CCDC9B: variants seen among roughly 807,000 people sequenced by gnomAD.
CCDC9B encodes the protein coiled-coil domain containing 9B.
Under a neutral mutation model 47.2 loss-of-function variants are expected in CCDC9B, and 40 were observed. That is an observed-to-expected ratio of 0.85 (90% CI 0.66 to 1.10). The LOEUF (loss-of-function observed/expected upper bound fraction) is 1.10. CCDC9B is among the 50% of genes least tolerant of loss of function. The pLI is 0.00. For synonymous variants in CCDC9B, 238 were observed against 250.7 expected (o/e 0.95, Z 0.48); for missense variants, 662 against 651.0 (o/e 1.02, Z -0.18).
chr15:40,336,006 A>G (rs1215160765), intron 9 of CCDC9B, 180 bp from the exon 10 acceptor site: 7 of 985,240 alleles, frequency 7.1e-6, no homozygotes, highest in Non-Finnish European at 7.2e-6. Flanking sequence ...GACTCTCCCT[A>G]GAGCCCCATA....
chr15:40,338,799 G>A lies in CCDC9B; in HGVS notation c.336C>T (p.Phe112=). The change falls in exon 4 of 11, where the codon TTC becomes TTT. Residue 112 remains phenylalanine (F), a synonymous_variant. Transcript: ENST00000397536. ...DEDAEDHGGT[F]CLGELVELAV... Reference sequence around the variant, plus strand: ...CCAGCTCCACCAGCTCCCCTAAGCAGAAAGTACCCCCGTGGTCCTCAGCAT... The same window carrying A: ...CCAGCTCCACCAGCTCCCCTAAGCAAAAAGTACCCCCGTGGTCCTCAGCAT... The A allele has an allele frequency of 6.2e-7, 1 of 1,614,160 alleles. No homozygotes were observed. The highest frequency in any genetic ancestry group is 1.1e-5 in the South Asian group (1 of 91,078).
intron 6 of CCDC9B, 66 bp downstream of exon 6, chr15:40,337,658 T>C: frequency 2.6e-6 from 4 of 1,513,432 alleles, no homozygotes; most frequent in Non-Finnish European, 3.5e-6. Context: ...CCTGCAGCCC[T>C]CCCAGCAGTG....
chr15:40,332,144 G>C lies in CCDC9B; in HGVS notation c.*3014C>G, dbSNP rs1045484983. On this transcript the variant is annotated 3_prime_UTR_variant, in exon 11 of 11. Transcript: ENST00000397536. ...AGAAGAGAAAGACACCCAAAAGGAA[G>C]GCTCCCAGCCAGGCCTTTAAACAAA... 1.3e-5 allele frequency: 2 copies of C among 152,192 alleles called. No homozygotes were observed. Among genetic ancestry groups the C allele is most frequent in the African/African-American group, 4.8e-5 (2 of 41,418 alleles). The allele number at this position is 152,192 out of a possible 1,614,324, so 9.4% of individuals were successfully genotyped here.
chr15:40,335,731 T>C (rs1269863028), intron 10 of CCDC9B, 31 bp from the exon 11 acceptor site: 25 of 1,588,868 alleles, frequency 1.6e-5, no homozygotes, highest in Non-Finnish European at 2.0e-5. Flanking sequence ...CGGTGGCTGA[T>C]GAATCCAGGG....
At chr15:40,337,204 T>C in intron 7 of CCDC9B, 184 bp downstream of exon 7, 1 of 730,338 alleles carries the variant, frequency 1.4e-6, no homozygotes, top group Admixed American at 2.0e-5. Flanking sequence ...AGCTGTGGGC[T>C]CAGAGGGGAG....
chr15:40,338,234 G>A (rs1889009569), intron 5 of CCDC9B: 1 of 672,888 alleles, frequency 1.5e-6, no homozygotes, highest in East Asian at 2.7e-5. Context: ...GCCACCTAGA[G>A]GTCACACCTG....
rs1595712935 is a variant in CCDC9B, at chr15:40,336,749, C to T, written c.796+11G>A. The T allele has an allele frequency of 3.1e-6, 5 of 1,600,004 alleles. 1 individual carries two copies. The Middle Eastern group carries it at 5.0e-4, about 160-fold the overall frequency. On this transcript the variant is annotated intron_variant, in intron 8 of 10. Transcript: ENST00000397536. ...CTGACGAGACCTGGCCCCTCCTCCT[C>T]CCCAACTCACCTTTTCCATCAGGGA...
Position 40,339,556 on chromosome 15 carries a change from G to A in CCDC9B, c.187C>T (p.Leu63Phe), listed in dbSNP as rs200309734. 1.6e-5 allele frequency: 26 copies of A among 1,612,740 alleles called. No homozygotes were observed. The African/African-American group carries it at 2.9e-4, about 18-fold the overall frequency. Residue 63 changes from leucine to phenylalanine, a missense_variant, in exon 3 of 11, where the codon CTC (leucine) becomes TTC (phenylalanine). Coordinates refer to ENST00000397536, the MANE Select transcript of CCDC9B (RefSeq NM_207380.3). ...GGMAVTTPALLQPDGLTVTIS... is the reference protein window; with the variant it reads ...GGMAVTTPALFQPDGLTVTIS... ...GTAACGGTGAGGCCATCAGGCTGGA[G>A]GAGTGCTGGTGTGGTCACAGCCATC...
chr15:40,335,924 G>A (rs1050214502), intron 9 of CCDC9B, 98 bp from the exon 10 acceptor site: 1 of 1,541,232 alleles, frequency 6.5e-7, no homozygotes. Context: ...GAGAGCCAGT[G>A]AGGAAGGCTG....
Position 40,335,192 on chromosome 15 carries a change from C to G in CCDC9B, c.1439G>C (p.Arg480Thr), listed in dbSNP as rs773718356. 1 of 1,543,220 alleles carries G rather than the reference C, an allele frequency of 6.5e-7. No individual in the cohort carries two copies. Among genetic ancestry groups the G allele is most frequent in the South Asian group, 1.2e-5 (1 of 81,274 alleles). ...RSRGTAGVRR[R>T]TGRPGPAGRC ...TCCTGCCGGGCCAGGGCGCCCTGTC[C>G]TGCGCCTCACACCTGCTGTGCCTCT... is the stretch of plus-strand genomic sequence containing the variant. Residue 480 changes from arginine (R) to threonine (T), a missense_variant, in exon 11 of 11, where the codon AGG becomes ACG. Arg to Thr is a moderately conservative substitution (Grantham distance 71, BLOSUM62 -1). Transcript: ENST00000397536.
rs763476477 is a variant in CCDC9B, at chr15:40,335,784, C to T, written c.930G>A (p.Glu310=). 5.4e-5 allele frequency: 87 copies of T among 1,611,080 alleles called. No individual in the cohort carries two copies. Among genetic ancestry groups the T allele is most frequent in the Non-Finnish European group, 7.1e-5 (84 of 1,178,738 alleles). Reference sequence around the variant, plus strand: ...CCCCATCCTATACCCAAGTACCTACCTCCTGACCTTCCAGCTCCTCCTTGT... The same window carrying T: ...CCCCATCCTATACCCAAGTACCTACTTCCTGACCTTCCAGCTCCTCCTTGT... ...KEDKEELEGQ[E]GSQSTRETPS... Residue 310 remains glutamate, a splice_region_variant and synonymous_variant, in exon 10 of 11, where the codon GAG becomes GAA. Coordinates refer to ENST00000397536, the MANE Select transcript of CCDC9B (RefSeq NM_207380.3).
Position 40,334,619 on chromosome 15 carries a change from C to T in CCDC9B, c.*539G>A, listed in dbSNP as rs1262760170. On this transcript the variant is annotated 3_prime_UTR_variant, in exon 11 of 11. Coordinates refer to ENST00000397536, the MANE Select transcript of CCDC9B (RefSeq NM_207380.3). ...CCAGACCCTGCCAGCTGTGTGGCCT[C>T]TCCTCCTCCAGGCCTCAGCCACCAC... is the stretch of plus-strand genomic sequence containing the variant. 1 of 152,440 alleles carries T rather than the reference C, an allele frequency of 6.6e-6. No homozygotes were observed. Among genetic ancestry groups the T allele is most frequent in the Non-Finnish European group, 1.5e-5 (1 of 68,236 alleles). The allele number at this position is 152,440 out of a possible 1,614,324, so 9.4% of individuals were successfully genotyped here.
intron 3 of CCDC9B, 194 bp from the exon 4 acceptor site, chr15:40,339,097 C>A: frequency 1.5e-6 from 1 of 668,212 alleles, no homozygotes; most frequent in Non-Finnish European, 2.6e-6. Flanking sequence ...CCCAGCGGCC[C>A]AAGATGCCAC....
chr15:40,338,021 C>G, intron 5 of CCDC9B, 128 bp from the exon 6 acceptor site: 2 of 889,780 alleles, frequency 2.2e-6, no homozygotes, highest in Non-Finnish European at 3.7e-6. Flanking sequence ...CCTGTTCCAG[C>G]TCTCCCGTGG....
rs1405282445 is a variant in CCDC9B, at chr15:40,339,613, G to A, written c.130C>T (p.Gln44Ter). 6.2e-7 allele frequency: 1 copy of A among 1,613,208 alleles called. No homozygotes were observed. The highest frequency in any genetic ancestry group is 1.1e-5 in the South Asian group (1 of 91,060). The part of the protein sequence containing the change: ...QALLRRYQEI[Q>*]EDRRQAEQGG... Reference sequence around the variant, plus strand: ...TGCTCTGCCTGCCGACGGTCCTCCTGGATCTCCTGTGGGAGGGCTGGGGGT... The same window carrying A: ...TGCTCTGCCTGCCGACGGTCCTCCTAGATCTCCTGTGGGAGGGCTGGGGGT... Residue 44 changes from glutamine (Q) to a stop codon, truncating the protein, a stop_gained, in exon 3 of 11, where the codon CAG (glutamine) becomes TAG (stop). Transcript: ENST00000397536. LOFTEE classifies it high-confidence loss of function.
At chr15:40,336,549 G>A in intron 9 of CCDC9B, 25 bp downstream of exon 9, 1 of 1,608,088 alleles carries the variant, frequency 6.2e-7, no homozygotes, top group Non-Finnish European at 8.5e-7. Flanking sequence ...TGCCCGTCTT[G>A]ATTTTGTCCC....
At position 40,338,650 on chromosome 15, in the gene CCDC9B, A is replaced by G. The variant is rs376829111; in HGVS notation, c.398T>C (p.Ile133Thr). The G allele has an allele frequency of 3.7e-6, 6 of 1,614,054 alleles. No individual in the cohort carries two copies. Among genetic ancestry groups the G allele is most frequent in the Non-Finnish European group, 5.1e-6 (6 of 1,179,990 alleles). The change falls in exon 5 of 11, where the codon ATT becomes ACT. Residue 133 changes from isoleucine to threonine, a missense_variant. By Grantham distance (89) the Ile-to-Thr change is moderately conservative. Coordinates refer to ENST00000397536, the MANE Select transcript of CCDC9B (RefSeq NM_207380.3). ...TMENKAEGKR[I>T]VSEKPTRARN... ...TGCTCTGGTAGGCTTTTCACTTACA[A>G]TCCGTTTGCCCTGGGGAGGATGAAG...
chr15:40,337,551 G>A (rs1337716754), intron 6 of CCDC9B, 105 bp from the exon 7 acceptor site: 5 of 1,210,738 alleles, frequency 4.1e-6, no homozygotes, highest in East Asian at 5.0e-5. Flanking sequence ...AAGGCAGCAG[G>A]GAGATGGTGG....
chr15:40,339,188 T>G (rs1889033648), intron 3 of CCDC9B: 1 of 592,432 alleles, frequency 1.7e-6, no homozygotes, highest in African/African-American at 1.9e-5. Flanking sequence ...CTCCTGGCAT[T>G]CAGCCCCAAC....
Sources: gnomAD v4.1 joint callset for allele counts on GRCh38, gnomAD v4.1.1 for gene constraint, MANE v1.5 for transcripts, NCBI Gene and HGNC (gene_info 2026-07-23, HGNC 2026-07-21) for gene names.